TUFT1: variants seen among roughly 807,000 people sequenced by gnomAD.
The protein encoded by TUFT1 is tuftelin 1.
TUFT1 carries 43 observed loss-of-function variants against 57.8 expected under a neutral mutation model. That is an observed-to-expected ratio of 0.74 (90% confidence interval 0.58 to 0.96). The LOEUF (loss-of-function observed/expected upper bound fraction) is 0.96. TUFT1 is among the 40% of genes least tolerant of loss of function. The probability of loss-of-function intolerance (pLI) is 0.00; values close to 1 mark genes in which losing one functional copy is unlikely to be tolerated. For synonymous variants in TUFT1, 166 were observed against 176.7 expected, an observed-to-expected ratio of 0.94 and a Z score of 0.48; for missense variants, 459 against 489.0, an observed-to-expected ratio of 0.94 and a Z score of 0.58.
intron 7 of TUFT1, among the ~76,000 whole-genome samples, chr1:151,570,800 C>T (rs748380861): frequency 2.0e-5 from 3 of 152,122 alleles, no homozygotes; most frequent in Non-Finnish European, 4.4e-5. Flanking sequence ...CTCCATCTCC[C>T]GGACTCAAGC....
At chr1:151,571,283 AAGT>A (rs766610216) in intron 7 of TUFT1, among the ~76,000 whole-genome samples, 2 of 152,200 alleles carry the variant, frequency 1.3e-5, no homozygotes, top group Non-Finnish European at 2.9e-5. Context: ...TTATTTGAAC[AAGT>A]AGTTTAACCT....
At chr1:151,553,097 A>AT (rs879678423) in intron 1 of TUFT1, among the ~76,000 whole-genome samples, 1,765 of 146,500 alleles carry the variant, frequency 0.012, 37 homozygotes, top group African/African-American at 0.04. Context: ...GGGTCAGATA[A>AT]TTTTTTTTTT....
chr1:151,544,372 C>T (rs1665266719), intron 1 of TUFT1, among the ~76,000 whole-genome samples: 1 of 151,962 alleles, frequency 6.6e-6, no homozygotes, highest in African/African-American at 2.4e-5. Flanking sequence ...TCTTGGCTCA[C>T]TGCAACCTCC....
intron 1 of TUFT1, among the ~76,000 whole-genome samples, chr1:151,542,173 A>T (rs2102512425): frequency 6.6e-6 from 1 of 152,256 alleles, no homozygotes; most frequent in East Asian, 1.9e-4. Flanking sequence ...TTAATGAATC[A>T]TTAACCTCTA....
chr1:151,548,448 G>C (rs932680708), intron 1 of TUFT1, among the ~76,000 whole-genome samples: 10 of 151,898 alleles, frequency 6.6e-5, no homozygotes, highest in South Asian at 2.1e-4. Context: ...AGCTACAGGC[G>C]TGCGCCACCA....
chr1:151,552,316 A>G (rs774426839), intron 1 of TUFT1, among the ~76,000 whole-genome samples: 2 of 152,220 alleles, frequency 1.3e-5, no homozygotes, highest in Admixed American at 1.3e-4. Flanking sequence ...TCTAGTATAC[A>G]TGCTTTTATG....
At chr1:151,566,122 T>C in intron 5 of TUFT1, 41 bp from the exon 6 acceptor site, 1 of 1,476,602 alleles carries the variant, frequency 6.8e-7, no homozygotes, top group Non-Finnish European at 9.2e-7. Flanking sequence ...GTTGGTTGCT[T>C]TCATCTGTTT....
chr1:151,564,647 C>A (rs1388760129), intron 5 of TUFT1, 33 bp downstream of exon 5: 26 of 1,576,532 alleles, frequency 1.6e-5, no homozygotes, highest in Non-Finnish European at 2.3e-5. Context: ...TGGGTCCCCA[C>A]CGAGGAGGTG....
At chr1:151,556,186 T>A (rs1322385206) in intron 1 of TUFT1, among the ~76,000 whole-genome samples, 1 of 152,256 alleles carries the variant, frequency 6.6e-6, no homozygotes, top group African/African-American at 2.4e-5. Context: ...TTGATCCTTT[T>A]TATTGCTGAG....
chr1:151,540,321 A>C lies in TUFT1; in HGVS notation c.-46A>C. On this transcript the variant is annotated 5_prime_UTR_variant, in exon 1 of 13. Transcript: ENST00000368849. ...CGCGCGCCCGCCCAGTTGGAGCCAG[A>C]CAGCGGGGTGGACAAGTGGCGTGTG... 1 of 1,613,258 alleles carries C rather than the reference A, an allele frequency of 6.2e-7. No homozygotes were observed. Among genetic ancestry groups the C allele is most frequent in the South Asian group, 1.1e-5 (1 of 91,064 alleles).
At chr1:151,578,641 C>T (rs1666554094) in intron 9 of TUFT1, 80 bp from the exon 10 acceptor site, 4 of 1,288,672 alleles carry the variant, frequency 3.1e-6, no homozygotes, top group Admixed American at 2.1e-5. Flanking sequence ...TGGGAACCTC[C>T]CAAGCTCAAG....
intron 1 of TUFT1, chr1:151,540,748 A>C (rs1665135821): frequency 5.9e-6 from 2 of 339,244 alleles, no homozygotes; most frequent in Non-Finnish European, 1.1e-5. Context: ...ACATTGGGTC[A>C]TAAGAGAATG....
At chr1:151,571,247 A>G (rs2102548774) in intron 7 of TUFT1, among the ~76,000 whole-genome samples, 1 of 152,326 alleles carries the variant, frequency 6.6e-6, no homozygotes, top group South Asian at 2.1e-4. Context: ...CAAGGATGAT[A>G]AACTGCTTCT....
intron 1 of TUFT1, among the ~76,000 whole-genome samples, chr1:151,548,932 T>C (rs1460065328): frequency 6.6e-6 from 1 of 152,294 alleles, no homozygotes; most frequent in African/African-American, 2.4e-5. Flanking sequence ...CTTATTTCCC[T>C]GGGGCCTCCC....
rs1368798032 is a variant in TUFT1, at chr1:151,574,825, G to A, written c.724-86G>A. ...CAGCTGTCCAGGCCCAGTAGGGGCTGAGTCCCAGCCTGGCGCCCATCTTAG... is the reference window on the plus strand; with the variant it reads ...CAGCTGTCCAGGCCCAGTAGGGGCTAAGTCCCAGCCTGGCGCCCATCTTAG... On this transcript the variant is annotated intron_variant, in intron 8 of 12. Coordinates refer to ENST00000368849, the MANE Select transcript of TUFT1 (RefSeq NM_020127.3). 11 of 1,175,028 alleles carry A rather than the reference G, an allele frequency of 9.4e-6. No individual in the cohort carries two copies. In the East Asian group the frequency reaches 2.3e-4, roughly 25 times the overall value. 72.8% of individuals were successfully genotyped at this position (1,175,028 alleles called of 1,614,324 possible).
At chr1:151,567,376 G>C (rs1292866406) in intron 6 of TUFT1, among the ~76,000 whole-genome samples, 1 of 152,030 alleles carries the variant, frequency 6.6e-6, no homozygotes, top group Non-Finnish European at 1.5e-5. Flanking sequence ...TGGGACTATA[G>C]ACACGTGCCA....
intron 9 of TUFT1, among the ~76,000 whole-genome samples, chr1:151,577,595 A>G (rs866860467): frequency 6.6e-6 from 1 of 152,290 alleles, no homozygotes. Flanking sequence ...TGCTTAGAAG[A>G]TGCAAAGGAA....
intron 10 of TUFT1, 38 bp downstream of exon 10, chr1:151,578,864 C>T (rs928246849): frequency 6.7e-7 from 1 of 1,482,088 alleles, no homozygotes; most frequent in African/African-American, 1.4e-5. Flanking sequence ...CTCGGGGAGT[C>T]ACCCCAAGTC....
intron 6 of TUFT1, among the ~76,000 whole-genome samples, 178 bp downstream of exon 6, chr1:151,566,406 T>C (rs1329827801): frequency 6.6e-6 from 1 of 152,138 alleles, no homozygotes; most frequent in African/African-American, 2.4e-5. Context: ...CCTTCCCCAA[T>C]CTCTCTCCTT....
Sources: allele counts gnomAD v4.1 joint callset (sites outside exome capture counted in the v4.1 genomes callset), GRCh38; gene constraint gnomAD v4.1.1; transcripts MANE v1.5; gene names NCBI Gene and HGNC (gene_info 2026-07-23, HGNC 2026-07-21).